Variants in SPATA3 observed in about 807,000 individuals in gnomAD.
The protein encoded by SPATA3 is spermatogenesis-associated protein 3.
In SPATA3, 6 loss-of-function variants were observed where a neutral mutation model predicts 5.7. That is an observed-to-expected ratio of 1.06 (90% confidence interval 0.58 to 2.09). The LOEUF is 2.09. Ranked by LOEUF, SPATA3 falls within the 30% of genes most tolerant of loss-of-function variation. The probability of loss-of-function intolerance (pLI) is 0.00; values close to 1 mark genes in which losing one functional copy is unlikely to be tolerated. For synonymous variants in SPATA3, 44 were observed against 48.4 expected (o/e 0.91, Z 0.37); for missense variants, 155 against 130.4 (o/e 1.19, Z -0.92).
chr2:230,996,844 A>G lies in SPATA3; in HGVS notation c.791-3522A>G, dbSNP rs551087747. ...TGCAACTGCTAAAAAATAAAAACCA[A>G]GGATGCATTTATAGAAGTATATGGT... On this transcript the variant is annotated intron_variant, in intron 1 of 2. Transcript: ENST00000645363. 8.5e-5 allele frequency among the ~76,000 whole-genome samples: 13 copies of G among 152,348 alleles called. No homozygotes were observed. The East Asian group carries it at 2.5e-3, about 29-fold the overall frequency.
chr2:231,000,682 C>T (rs1454784920), intron 2 of SPATA3, 145 bp downstream of exon 2: 4 of 933,082 alleles, frequency 4.3e-6, no homozygotes, highest in Non-Finnish European at 5.8e-6. Context: ...TTGCTTTGCC[C>T]ACTTCCTGGA....
chr2:231,009,380 C>T (rs1458255180), downstream of SPATA3, among the ~76,000 whole-genome samples: 1 of 152,202 alleles, frequency 6.6e-6, no homozygotes, highest in African/African-American at 2.4e-5. Flanking sequence ...TTGGATCCCC[C>T]GGGCAGTGGT....
downstream of SPATA3, among the ~76,000 whole-genome samples, chr2:231,009,835 C>A (rs549265710): frequency 6.6e-6 from 1 of 152,258 alleles, no homozygotes; most frequent in Non-Finnish European, 1.5e-5. Flanking sequence ...CCCTCGGGAG[C>A]ACTTTGGGAT....
downstream of SPATA3, among the ~76,000 whole-genome samples, chr2:231,003,802 G>A (rs976634143): frequency 2.0e-5 from 3 of 152,158 alleles, no homozygotes; most frequent in Non-Finnish European, 4.4e-5. Context: ...TGCAGTGGGC[G>A]TAATATATTA....
At chr2:231,004,626 C>A (rs1181077937), downstream of SPATA3, among the ~76,000 whole-genome samples, 1 of 152,118 alleles carries the variant, frequency 6.6e-6, no homozygotes, top group East Asian at 1.9e-4. Flanking sequence ...ATGACAAATG[C>A]ACCCGAGTTA....
chr2:231,002,743 G>A, exon 3 of SPATA3: 1 of 1,532,126 alleles, frequency 6.5e-7, no homozygotes, highest in Non-Finnish European at 8.8e-7. Flanking sequence ...CCTCGGAACT[G>A]TGGCTGTGGC....
downstream of SPATA3, among the ~76,000 whole-genome samples, chr2:231,005,352 T>C (rs1356803342): frequency 1.2e-3 from 50 of 43,174 alleles, no homozygotes; most frequent in Admixed American, 1.6e-3. Flanking sequence ...ATCATCACCA[T>C]CACCACCACC....
chr2:231,000,568 G>T, intron 2 of SPATA3, 31 bp downstream of exon 2: 1 of 1,468,866 alleles, frequency 6.8e-7, no homozygotes, highest in Non-Finnish European at 9.1e-7. Flanking sequence ...GAGCCTCGGG[G>T]CACACAGTCC....
chr2:231,019,419 G>A (rs1392301172), intron 6 of SPATA3, among the ~76,000 whole-genome samples: 1 of 149,860 alleles, frequency 6.7e-6, no homozygotes, highest in East Asian at 2.1e-4. Context: ...CGCCTCCCGG[G>A]TTCACACCAT....
intron 6 of SPATA3, among the ~76,000 whole-genome samples, chr2:231,016,989 T>A (rs928916328): frequency 1.3e-5 from 2 of 152,252 alleles, no homozygotes; most frequent in Non-Finnish European, 2.9e-5. Flanking sequence ...CTGCTTTTTT[T>A]CCCACTTCTC....
chr2:231,001,061 G>A (rs1326517438), intron 2 of SPATA3, among the ~76,000 whole-genome samples: 1 of 152,206 alleles, frequency 6.6e-6, no homozygotes, highest in Non-Finnish European at 1.5e-5. Flanking sequence ...CCTTCAGACT[G>A]TGCTGGGCTC....
At chr2:231,007,032 G>A (rs1455409540), downstream of SPATA3, among the ~76,000 whole-genome samples, 1 of 152,182 alleles carries the variant, frequency 6.6e-6, no homozygotes, top group Non-Finnish European at 1.5e-5. Context: ...AGCCTGAGGT[G>A]TGTGGCTGAA....
Position 230,996,202 on chromosome 2 carries a change from G to A in SPATA3, c.791-4164G>A. The A allele has an allele frequency of 6.5e-7, 1 of 1,535,394 alleles. No individual in the cohort carries two copies. The highest frequency in any genetic ancestry group is 1.2e-5 in the South Asian group (1 of 81,436). On this transcript the variant is annotated intron_variant, in intron 1 of 2. It removes an upstream start codon present in the reference 5' UTR. Coordinates refer to ENST00000645363, the Ensembl canonical transcript of SPATA3. ...GAGCCGGGAGATTACGCAGCTCCAT[G>A]TAGGTCCACGTTTAGGTTGGGAGGA...
At chr2:231,005,463 CCACCACCAT>C (rs1692572055), downstream of SPATA3, among the ~76,000 whole-genome samples, 1 of 22,020 alleles carries the variant, frequency 4.5e-5, no homozygotes, top group Non-Finnish European at 9.9e-5. Flanking sequence ...ACCACCACCA[CCACCACCAT>C]CATCACCACC....
At chr2:231,008,801 AG>A (rs1356530475), downstream of SPATA3, among the ~76,000 whole-genome samples, 4 of 152,212 alleles carry the variant, frequency 2.6e-5, no homozygotes, top group African/African-American at 9.6e-5. Context: ...CTCCTATAAA[AG>A]TCAGGAGAGA....
At chr2:231,005,469 C>A (rs1187105555), downstream of SPATA3, among the ~76,000 whole-genome samples, 1 of 82,518 alleles carries the variant, frequency 1.2e-5, no homozygotes, top group Non-Finnish European at 2.6e-5. Context: ...ACCACCACCA[C>A]CATCATCACC....
chr2:230,996,207 T>C, intron 1 of SPATA3: 1 of 1,538,176 alleles, frequency 6.5e-7, no homozygotes, highest in Non-Finnish European at 8.8e-7. Context: ...TCCATGTAGG[T>C]CCACGTTTAG....
intron 2 of SPATA3, 94 bp from the exon 3 acceptor site, chr2:231,002,590 C>A: frequency 2.9e-6 from 2 of 695,608 alleles, no homozygotes; most frequent in Non-Finnish European, 4.5e-6. Flanking sequence ...TTCCTGCAAT[C>A]CTGAGGGGGC....
chr2:231,008,520 G>T (rs1692703698), downstream of SPATA3, among the ~76,000 whole-genome samples: 1 of 152,168 alleles, frequency 6.6e-6, no homozygotes, highest in Non-Finnish European at 1.5e-5. Flanking sequence ...GATTGGGCAG[G>T]ATGGGCCAGG....
Sources: gnomAD v4.1 joint callset for allele counts (sites outside exome capture counted in the v4.1 genomes callset) on GRCh38, gnomAD v4.1.1 for gene constraint, MANE v1.5 for transcripts, NCBI Gene and HGNC (gene_info 2026-07-23, HGNC 2026-07-21) for gene names.